GUCY2D: variants seen among roughly 807,000 people sequenced by gnomAD.
GUCY2D encodes the protein guanylate cyclase 2D, retinal.
Under a neutral mutation model 101.3 loss-of-function variants are expected in GUCY2D, and 70 were observed. The observed-to-expected ratio is 0.69, with a 90% CI of 0.57 to 0.84. The LOEUF is 0.84. Ranked by LOEUF, GUCY2D falls within the 40% of genes least tolerant of loss-of-function variation. GUCY2D has a pLI of 0.00. For synonymous variants in GUCY2D, 688 were observed against 670.7 expected (o/e 1.03, Z -0.40); for missense variants, 1,460 against 1,542.5 (o/e 0.95, Z 0.90).
chr17:8,005,893 T>TTTTG (rs920214458), intron 3 of GUCY2D, among the ~76,000 whole-genome samples: 12 of 152,286 alleles, frequency 7.9e-5, no homozygotes, highest in African/African-American at 2.6e-4. Flanking sequence ...TGTTTAGTTT[T>TTTTG]TTTGTTTGTT....
Position 8,013,552 on chromosome 17 carries a change from G to A in GUCY2D, c.2263+300G>A, listed in dbSNP as rs1598149850. The A allele has an allele frequency of 3.5e-6, 2 of 574,806 alleles. No homozygotes were observed. The allele number at this position is 574,806 out of a possible 1,614,324, so 35.6% of individuals were successfully genotyped here. A position where few individuals can be genotyped will look rare whatever the true frequency, so the allele number is the denominator to read the frequency against. Reference sequence around the variant, plus strand: ...TCTCAGGGGTCCCTGGGAGGAGCAGGGGAGGGGGAGTGGGTGCATCCCTTC... The same window carrying A: ...TCTCAGGGGTCCCTGGGAGGAGCAGAGGAGGGGGAGTGGGTGCATCCCTTC... On this transcript the variant is annotated intron_variant, in intron 11 of 19. Coordinates refer to ENST00000254854, the MANE Select transcript of GUCY2D (RefSeq NM_000180.4). The surrounding 1 kb of genome is among the most constrained non-coding windows in gnomAD (Gnocchi z 5.0).
chr17:8,013,068 C>A lies in GUCY2D; in HGVS notation c.2114-35C>A. The stretch of plus-strand genomic sequence containing the variant: ...CTTTCTGGTGAGGGTGGGAGTCTTT[C>A]CCCAGCGGCGCCTCAGCCCCTTCCC... On this transcript the variant is annotated intron_variant, in intron 10 of 19. Transcript: ENST00000254854. The surrounding 1 kb of genome is among the most constrained non-coding windows in gnomAD (Gnocchi z 5.0). The A allele has an allele frequency of 6.2e-7, 1 of 1,600,414 alleles. No homozygotes were observed. The highest frequency in any genetic ancestry group is 1.1e-5 in the South Asian group (1 of 90,658).
chr17:8,015,227 T>A, intron 14 of GUCY2D, 101 bp from the exon 15 acceptor site: 2 of 1,193,780 alleles, frequency 1.7e-6, no homozygotes, highest in Middle Eastern at 1.9e-4. Flanking sequence ...GCAACCTGGT[T>A]CTGCACTAAC....
Position 8,006,660 on chromosome 17 carries a change from G to A in GUCY2D, c.1324G>A (p.Ala442Thr). The change falls in exon 4 of 20, where the codon GCA becomes ACA. Residue 442 changes from alanine to threonine, a missense_variant. Coordinates refer to ENST00000254854, the MANE Select transcript of GUCY2D (RefSeq NM_000180.4). Reference protein sequence around the residue: ...TRMHFPRGGSAPGPDPSCWFD... With the variant: ...TRMHFPRGGSTPGPDPSCWFD... ...GATGCACTTCCCGCGTGGGGGATCA[G>A]CACCCGGACCTGACCCCTCGTGCTG... 1.2e-6 allele frequency: 2 copies of A among 1,612,482 alleles called. No individual in the cohort carries two copies. Among genetic ancestry groups the A allele is most frequent in the East Asian group, 2.2e-5 (1 of 44,830 alleles).
Position 8,016,191 on chromosome 17 carries a change from C to T in GUCY2D, c.3139-14C>T, listed in dbSNP as rs771261012. ...CAGTCCGCCTAAGTCCTTCCCTCTC[C>T]CATGTCTCCCCAGGGCAAGGGCGCC... On this transcript the variant is annotated splice_polypyrimidine_tract_variant and intron_variant, in intron 17 of 19. Transcript: ENST00000254854. 4 of 1,560,102 alleles carry T rather than the reference C, an allele frequency of 2.6e-6. No homozygotes were observed. Among genetic ancestry groups the T allele is most frequent in the Middle Eastern group, 1.7e-4 (1 of 5,976 alleles).
intron 5 of GUCY2D, 58 bp downstream of exon 5, chr17:8,007,202 A>T: frequency 7.7e-7 from 1 of 1,293,436 alleles, no homozygotes; most frequent in Non-Finnish European, 1.1e-6. Context: ...GGAAGTCTGC[A>T]GCAAAAACAG....
intron 3 of GUCY2D, among the ~76,000 whole-genome samples, chr17:8,005,570 G>C (rs969866806): frequency 6.6e-6 from 1 of 152,102 alleles, no homozygotes; most frequent in African/African-American, 2.4e-5. Context: ...GCCTCCCCTG[G>C]ATAATTCTGA....
intron 18 of GUCY2D, 71 bp downstream of exon 18, chr17:8,016,361 C>A: frequency 7.0e-7 from 1 of 1,434,166 alleles, no homozygotes; most frequent in Non-Finnish European, 9.6e-7. Flanking sequence ...TCTGACCCCC[C>A]GCGCGCGAGG....
At position 8,006,633 on chromosome 17, in the gene GUCY2D, CG is replaced by C; in HGVS notation, c.1299del (p.Met434CysfsTer54). The C allele has an allele frequency of 6.2e-7, 1 of 1,612,856 alleles. No homozygotes were observed. The highest frequency in any genetic ancestry group is 8.5e-7 in the Non-Finnish European group (1 of 1,179,590). ...ARGSFLSAGT[R>X]MHFPRGGSAP... ...GGGCTCCTTCCTCTCCGCCGGTACC[CG>C]GATGCACTTCCCGCGTGGGGGATCA... On this transcript the variant is annotated frameshift_variant, in exon 4 of 20. Coordinates refer to ENST00000254854, the MANE Select transcript of GUCY2D (RefSeq NM_000180.4). LOFTEE classifies it high-confidence loss of function.
At position 8,016,213 on chromosome 17, in the gene GUCY2D, C is replaced by T; in HGVS notation, c.3147C>T (p.Gly1049=). ...CTCCCATGTCTCCCCAGGGCAAGGG[C>T]GCCGAGGACACTTTCTGGCTAGTGG... ...LRGRTELKGK[G]AEDTFWLVGR... Residue 1049 remains glycine (G), a synonymous_variant, in exon 18 of 20, where the codon GGC becomes GGT. Transcript: ENST00000254854. 3 of 1,587,636 alleles carry T rather than the reference C, an allele frequency of 1.9e-6. No individual in the cohort carries two copies. The highest frequency in any genetic ancestry group is 1.8e-5 in the Admixed American group (1 of 55,576).
rs1254226185 is a variant in GUCY2D at position 8,015,799 on chromosome 17, G to A, written c.3001G>A (p.Asp1001Asn). 1 of 1,612,912 alleles carries A rather than the reference G, an allele frequency of 6.2e-7. No individual in the cohort carries two copies. The highest frequency in any genetic ancestry group is 1.7e-5 in the Admixed American group (1 of 59,934). Residue 1001 changes from aspartate (D) to asparagine (N), a missense_variant, in exon 16 of 20, where the codon GAC (aspartate) becomes AAC (asparagine). Transcript: ENST00000254854. ...LTMPRYCLFGDTVNTASRMES... is the reference protein window; with the variant it reads ...LTMPRYCLFGNTVNTASRMES... ...CATGCCGCGGTACTGCCTGTTTGGG[G>A]ACACGGTCAACACCGCCTCGCGCAT...
rs1346520572 is a variant in GUCY2D at position 8,008,017 on chromosome 17, C to T, written c.1653C>T (p.Asn551=). 1.9e-6 allele frequency: 3 copies of T among 1,609,214 alleles called. No individual in the cohort carries two copies. Among genetic ancestry groups the T allele is most frequent in the South Asian group, 1.1e-5 (1 of 90,850 alleles). ...SGPSQHLDSP[N]IGVYEGDRVW... is the part of the protein sequence containing the mutation. ...CCAGCCAACACTTGGACAGCCCCAA[C>T]ATTGGTGTCTATGAGGTGAGCCTGA... The change falls in exon 7 of 20, where the codon AAC becomes AAT. Residue 551 remains asparagine, a synonymous_variant. Transcript: ENST00000254854.
In GUCY2D at chr17:8,007,411, C is replaced by T; in HGVS notation, c.1464-15C>T. ...ACTTGGTGCCCTTGGTGGAGGTGAC[C>T]TCTTTCTCCACCAGGCACCGGCTAC... On this transcript the variant is annotated splice_polypyrimidine_tract_variant and intron_variant, in intron 5 of 19. Transcript: ENST00000254854. The T allele has an allele frequency of 2.6e-6, 4 of 1,556,404 alleles. No homozygotes were observed. The highest frequency in any genetic ancestry group is 3.5e-6 in the Non-Finnish European group (4 of 1,127,624).
At chr17:8,017,116 C>A (rs1975993472) in intron 19 of GUCY2D, among the ~76,000 whole-genome samples, 1 of 152,204 alleles carries the variant, frequency 6.6e-6, no homozygotes, top group African/African-American at 2.4e-5. Context: ...CCAGCTCTGC[C>A]TCAAAGGATT....
Position 8,007,431 on chromosome 17 carries a change from G to A in GUCY2D, c.1469G>A (p.Arg490Gln), listed in dbSNP as rs753488664. The A allele has an allele frequency of 1.1e-5, 17 of 1,609,236 alleles. No individual in the cohort carries two copies. Among genetic ancestry groups the A allele is most frequent in the Middle Eastern group, 1.6e-4 (1 of 6,078 alleles). ...GTGACCTCTTTCTCCACCAGGCACC[G>A]GCTACTTCACATGCAAATGGTCTCC... The part of the protein sequence containing the change: ...GAFLAHYVRH[R>Q]LLHMQMVSGP... Residue 490 changes from arginine to glutamine, a missense_variant, in exon 6 of 20, where the codon CGG becomes CAG. Coordinates refer to ENST00000254854, the MANE Select transcript of GUCY2D (RefSeq NM_000180.4).
At position 8,003,095 on chromosome 17, in the gene GUCY2D, C is replaced by T; in HGVS notation, c.48C>T (p.Leu16=). The change falls in exon 2 of 20, where the codon CTC becomes CTT. Residue 16 remains leucine, a synonymous_variant. Coordinates refer to ENST00000254854, the MANE Select transcript of GUCY2D (RefSeq NM_000180.4). ...CGGGTGGGCTTCCGGACCCCGGGCT[C>T]TGCGGTCCCGCGTGGTGGGCTCCGT... ...RRAGGLPDPG[L]CGPAWWAPSL... The T allele has an allele frequency of 1.2e-5, 18 of 1,524,410 alleles. No homozygotes were observed. The highest frequency in any genetic ancestry group is 1.5e-5 in the Non-Finnish European group (17 of 1,142,446). 94.4% of individuals were successfully genotyped at this position (1,524,410 alleles called of 1,614,324 possible).
Position 8,007,934 on chromosome 17 carries a change from G to A in GUCY2D, c.1570G>A (p.Ala524Thr), listed in dbSNP as rs1396113188. The A allele has an allele frequency of 1.2e-6, 2 of 1,605,866 alleles. No homozygotes were observed. Among genetic ancestry groups the A allele is most frequent in the Non-Finnish European group, 1.7e-6 (2 of 1,172,750 alleles). Residue 524 changes from alanine (A) to threonine (T), a missense_variant, in exon 7 of 20, where the codon GCC (alanine) becomes ACC (threonine). By Grantham distance (58) the Ala-to-Thr change is moderately conservative. Coordinates refer to ENST00000254854, the MANE Select transcript of GUCY2D (RefSeq NM_000180.4). Reference sequence around the variant, plus strand: ...TGCATTGACCTCTACCTGCTAGGTGGCCCAGGGGAGTCGATCAAGTCTGGG... The same window carrying A: ...TGCATTGACCTCTACCTGCTAGGTGACCCAGGGGAGTCGATCAAGTCTGGG... ...HPHGGTSRKV[A>T]QGSRSSLGAR...
In GUCY2D at chr17:8,007,465, C is replaced by A. The variant is rs1479771628; in HGVS notation, c.1503C>A (p.Asn501Lys). The A allele has an allele frequency of 6.2e-7, 1 of 1,613,772 alleles. No homozygotes were observed. The highest frequency in any genetic ancestry group is 8.5e-7 in the Non-Finnish European group (1 of 1,179,656). Residue 501 changes from asparagine (N) to lysine (K), a missense_variant, in exon 6 of 20, where the codon AAC (asparagine) becomes AAA (lysine). This residue lies in a region of GUCY2D where 1,196 missense variants were observed against 1,229.6 expected (regional missense o/e 0.97). Transcript: ENST00000254854. Reference protein sequence around the residue: ...LLHMQMVSGPNKIILTVDDIT... With the variant: ...LLHMQMVSGPKKIILTVDDIT... ...ACATGCAAATGGTCTCCGGCCCCAACAAGATCATCCTGACCGTGGACGACA... is the reference window on the plus strand; with the variant it reads ...ACATGCAAATGGTCTCCGGCCCCAAAAAGATCATCCTGACCGTGGACGACA...
In GUCY2D at chr17:8,012,381, C is replaced by G. The variant is rs781224455; in HGVS notation, c.1956+31C>G. 1.4e-5 allele frequency: 22 copies of G among 1,588,960 alleles called. No homozygotes were observed. The South Asian group carries it at 2.4e-4, about 18-fold the overall frequency. On this transcript the variant is annotated intron_variant, in intron 9 of 19. Transcript: ENST00000254854. ...TGTCTGGGGGTGGTGGGGTGACGTC[C>G]TGGGGGCAGGGATGGGGAGCAAGGG...
Sources: allele counts gnomAD v4.1 joint callset (sites outside exome capture counted in the v4.1 genomes callset), GRCh38; gene constraint gnomAD v4.1.1; regional missense constraint gnomAD v4.1.1; non-coding constraint Gnocchi (gnomAD v3.1); transcripts MANE v1.5; gene names NCBI Gene and HGNC (gene_info 2026-07-23, HGNC 2026-07-21).